GNAQ: variants seen among roughly 807,000 people sequenced by gnomAD.
GNAQ encodes G protein subunit alpha q.
GNAQ carries 8 observed loss-of-function variants against 43.9 expected under a neutral mutation model. The observed-to-expected ratio is 0.18, with a 90% CI of 0.11 to 0.33. The LOEUF is 0.33. Among genes scored for constraint, GNAQ ranks in the 10% least tolerant of loss-of-function variants. The pLI, the probability that GNAQ is intolerant of heterozygous loss-of-function variation, is 1.00. For missense variants in GNAQ, 158 were observed against 450.8 expected, an observed-to-expected ratio of 0.35 and a Z score of 5.88; for synonymous variants, 155 against 170.7, an observed-to-expected ratio of 0.91 and a Z score of 0.71.
chr9:77,787,938 G>A lies in GNAQ; in HGVS notation c.735+6525C>T, dbSNP rs368280448. Among the ~76,000 whole-genome samples the A allele has an allele frequency of 5.3e-5, 8 of 152,304 alleles. No individual in the cohort carries two copies. The South Asian group carries it at 1.0e-3, about 20-fold the overall frequency. ...CCAGCTACTTGGGAGGCTGAGACAG[G>A]AGAGTCGCTCGAACCCGGGAGGCAG... is the stretch of plus-strand genomic sequence containing the variant. On this transcript the variant is annotated intron_variant, in intron 5 of 6. Transcript: ENST00000286548.
intron 1 of GNAQ, among the ~76,000 whole-genome samples, chr9:77,987,153 A>C (rs1310524255): frequency 6.6e-6 from 1 of 152,118 alleles, no homozygotes; most frequent in African/African-American, 2.4e-5. Context: ...GAAAGCAAAA[A>C]CAATACTAAT....
intron 2 of GNAQ, among the ~76,000 whole-genome samples, chr9:77,895,794 C>T (rs1051157268): frequency 1.3e-5 from 2 of 152,022 alleles, no homozygotes; most frequent in African/African-American, 2.4e-5. Flanking sequence ...CGGTGCTGTT[C>T]GCATAATGGT....
At chr9:78,020,699 G>A (rs1475984197) in intron 1 of GNAQ, among the ~76,000 whole-genome samples, 2 of 152,120 alleles carry the variant, frequency 1.3e-5, no homozygotes, top group Non-Finnish European at 2.9e-5. Flanking sequence ...CCAGAGCCCA[G>A]CAAAGACACA....
At chr9:77,977,668 C>A (rs1823321490) in intron 1 of GNAQ, among the ~76,000 whole-genome samples, 1 of 152,286 alleles carries the variant, frequency 6.6e-6, no homozygotes, top group Admixed American at 6.5e-5. Flanking sequence ...GTTCTGCAAC[C>A]CTGGAGCATT....
In GNAQ at chr9:77,804,611, T is replaced by G. The variant is rs542462948; in HGVS notation, c.477-6963A>C. 3.9e-5 allele frequency among the ~76,000 whole-genome samples: 6 copies of G among 152,250 alleles called. No individual in the cohort carries two copies. The South Asian group carries it at 8.3e-4, about 21-fold the overall frequency. ...GGATAGTTAAGTAGGAACAGAAATC[T>G]CTGAAATTTCATGCAAATCCAACCA... On this transcript the variant is annotated intron_variant, in intron 3 of 6. Coordinates refer to ENST00000286548, the MANE Select transcript of GNAQ (RefSeq NM_002072.5).
At chr9:78,025,587 A>T (rs7036272) in intron 1 of GNAQ, among the ~76,000 whole-genome samples, 43,308 of 152,026 alleles carry the variant, frequency 0.28, 6,338 homozygotes, top group South Asian at 0.43. Flanking sequence ...ATTTGACTTT[A>T]AAATTTGTTG....
At chr9:77,914,827 C>T (rs1587406476) in intron 2 of GNAQ, among the ~76,000 whole-genome samples, 1 of 91,160 alleles carries the variant, frequency 1.1e-5, no homozygotes, top group South Asian at 4.4e-4. Flanking sequence ...CTTTTGAACA[C>T]CAAAAAAAAA....
chr9:77,848,829 G>GA, intron 2 of GNAQ, among the ~76,000 whole-genome samples: 1 of 152,204 alleles, frequency 6.6e-6, no homozygotes, highest in Non-Finnish European at 1.5e-5. Flanking sequence ...CTTTGTTGGG[G>GA]AAAAAGGAAA....
intron 1 of GNAQ, among the ~76,000 whole-genome samples, chr9:78,019,407 C>T (rs1486090544): frequency 6.6e-6 from 1 of 152,234 alleles, no homozygotes; most frequent in Non-Finnish European, 1.5e-5. Context: ...CACCTCCAGA[C>T]TCCATGTCAG....
intron 5 of GNAQ, among the ~76,000 whole-genome samples, chr9:77,743,712 G>C (rs1825689719): frequency 6.6e-6 from 1 of 151,968 alleles, no homozygotes; most frequent in Non-Finnish European, 1.5e-5. Flanking sequence ...CATTTCTGAG[G>C]TTTTGTGAGT....
At chr9:77,914,267 G>A (rs1251852247) in intron 2 of GNAQ, among the ~76,000 whole-genome samples, 1 of 152,192 alleles carries the variant, frequency 6.6e-6, no homozygotes, top group Non-Finnish European at 1.5e-5. Flanking sequence ...CAACTCCCAA[G>A]AGTCCTGGAG....
chr9:77,944,608 C>G (rs1303174710), intron 1 of GNAQ, among the ~76,000 whole-genome samples: 1 of 152,182 alleles, frequency 6.6e-6, no homozygotes, highest in Non-Finnish European at 1.5e-5. Flanking sequence ...CTGTGAACCA[C>G]CATTTCTTCC....
intron 6 of GNAQ, among the ~76,000 whole-genome samples, chr9:77,725,344 TGTAA>T (rs141877869): frequency 0.013 from 1,917 of 152,192 alleles, 38 homozygotes; most frequent in African/African-American, 0.044. Context: ...ATTAAGACCT[TGTAA>T]GTATAGAAAT....
intron 1 of GNAQ, among the ~76,000 whole-genome samples, chr9:77,959,612 CATT>C (rs1823083246): frequency 6.6e-6 from 1 of 152,134 alleles, no homozygotes; most frequent in Non-Finnish European, 1.5e-5. Context: ...TTTATCAAAA[CATT>C]ATAGCACAGT....
At chr9:77,890,916 G>A (rs1341205283) in intron 2 of GNAQ, among the ~76,000 whole-genome samples, 2 of 152,176 alleles carry the variant, frequency 1.3e-5, no homozygotes, top group Non-Finnish European at 2.9e-5. Flanking sequence ...ATCACTTGAG[G>A]CCAGGAGTTC....
In GNAQ at chr9:77,720,020, T is replaced by TA. The variant is rs1564090229; in HGVS notation, c.*1302dup. ...ATTGAACTTAAAGAACCACTGAGAG[T>TA]AAAACTGGTTTCAAATAAAGAGACA... On this transcript the variant is annotated 3_prime_UTR_variant, in exon 7 of 7. Transcript: ENST00000286548. 4.3e-6 allele frequency: 1 copy of TA among 232,294 alleles called. No individual in the cohort carries two copies. The highest frequency in any genetic ancestry group is 2.2e-5 in the African/African-American group (1 of 45,220). 14.4% of individuals were successfully genotyped at this position (232,294 alleles called of 1,614,324 possible). A position where few individuals can be genotyped will look rare whatever the true frequency, so the allele number is the denominator to read the frequency against.
At chr9:77,833,644 G>C (rs1038603789) in intron 2 of GNAQ, among the ~76,000 whole-genome samples, 2 of 152,214 alleles carry the variant, frequency 1.3e-5, no homozygotes, top group African/African-American at 4.8e-5. Flanking sequence ...AGTGAGAACT[G>C]ACAAGTTTTC....
intron 2 of GNAQ, among the ~76,000 whole-genome samples, chr9:77,854,138 A>C (rs1398699917): frequency 3.9e-5 from 6 of 152,216 alleles, no homozygotes; most frequent in Admixed American, 3.9e-4. Flanking sequence ...CCATAAGTAC[A>C]TAATATAGAG....
intron 5 of GNAQ, among the ~76,000 whole-genome samples, chr9:77,766,319 T>C (rs1288286004): frequency 1.3e-5 from 2 of 152,226 alleles, no homozygotes; most frequent in African/African-American, 4.8e-5. Flanking sequence ...TGTTTCAACG[T>C]TTCCTTGTTA....
Sources: gnomAD v4.1 joint callset for allele counts (sites outside exome capture counted in the v4.1 genomes callset) on GRCh38, gnomAD v4.1.1 for gene constraint, MANE v1.5 for transcripts, NCBI Gene and HGNC (gene_info 2026-07-23, HGNC 2026-07-21) for gene names.